The following OSBP2 variants were observed in gnomAD, a reference collection of about 807,000 sequenced individuals.
OSBP2 encodes oxysterol binding protein 2, also known as oxysterol-binding protein 2.
OSBP2 carries 66 observed loss-of-function variants against 96.0 expected under a neutral mutation model. That is an observed-to-expected ratio of 0.69 (90% CI 0.56 to 0.84). The LOEUF (loss-of-function observed/expected upper bound fraction) is 0.84. Ranked by LOEUF, OSBP2 falls within the 40% of genes least tolerant of loss-of-function variation. The pLI is 0.00. For missense variants in OSBP2, 1,038 were observed against 1,222.7 expected, an observed-to-expected ratio of 0.85 and a Z score of 2.25; for synonymous variants, 525 against 520.9, an observed-to-expected ratio of 1.01 and a Z score of -0.11.
chr22:30,905,805 A>AGCCGCAGCCACC (rs1569178245), intron 12 of OSBP2, 32 bp from the exon 13 acceptor site: 2 of 1,608,214 alleles, frequency 1.2e-6, no homozygotes, highest in Non-Finnish European at 1.7e-6. Flanking sequence ...CTCACACCGC[A>AGCCGCAGCCACC]GCCACCGCCA....
chr22:30,873,291 C>G (rs2072015614), intron 3 of OSBP2, among the ~76,000 whole-genome samples: 1 of 152,112 alleles, frequency 6.6e-6, no homozygotes, highest in South Asian at 2.1e-4. Flanking sequence ...TGCAGAGGCC[C>G]CCTCCTGCTG....
Position 30,896,420 on chromosome 22 carries a change from A to T in OSBP2, c.2375+2419A>T, listed in dbSNP as rs183689066. 9.3e-4 allele frequency among the ~76,000 whole-genome samples: 142 copies of T among 152,354 alleles called. 2 individuals are homozygous for T. The highest frequency in any genetic ancestry group is 1.6e-4 in the Non-Finnish European group (11 of 68,036). ...GTTTAGATAATCTTAGCATGATGGA[A>T]TTTGAGGAGAAGGGGAAGGATCTGA... is the stretch of plus-strand genomic sequence containing the variant. On this transcript the variant is annotated intron_variant, in intron 12 of 13. Transcript: ENST00000332585.
Position 30,905,934 on chromosome 22 carries a change from G to A in OSBP2, c.2473G>A (p.Asp825Asn). 5 of 1,612,654 alleles carry A rather than the reference G, an allele frequency of 3.1e-6. No homozygotes were observed. Among genetic ancestry groups the A allele is most frequent in the Non-Finnish European group, 4.2e-6 (5 of 1,179,556 alleles). ...VAPTDSRLRP[D>N]QRLMEKGRWD... ...GCCAACCGACAGCCGCCTGCGGCCC[G>A]ACCAGCGGCTGATGGAGAAGGGCCG... The change falls in exon 13 of 14, where the codon GAC becomes AAC. Residue 825 changes from aspartate (D) to asparagine (N), a missense_variant. Physicochemically the swap from Asp to Asn is conservative, Grantham distance 23. Transcript: ENST00000332585.
intron 9 of OSBP2, 38 bp from the exon 10 acceptor site, chr22:30,893,425 T>TGG: frequency 6.4e-7 from 1 of 1,568,910 alleles, no homozygotes. Context: ...GAGCCCTGCA[T>TGG]GGGGGGGCAT....
rs1170782156 is a variant in OSBP2, at chr22:30,887,607, G to C, written c.1289G>C (p.Ser430Thr). The change falls in exon 4 of 14, where the codon AGC (serine) becomes ACC (threonine). Residue 430 changes from serine to threonine, a missense_variant. Transcript: ENST00000332585. Reference protein sequence around the residue: ...APGRPANPSKSFIEGSLLTPK... With the variant: ...APGRPANPSKTFIEGSLLTPK... ...GGCCGGCCGGCCAACCCCTCCAAGA[G>C]CTTCATTGAGGGTGAGTGGGCAGCC... is the stretch of plus-strand genomic sequence containing the variant. 6.3e-7 allele frequency: 1 copy of C among 1,599,698 alleles called. No homozygotes were observed. Among genetic ancestry groups the C allele is most frequent in the East Asian group, 2.3e-5 (1 of 44,146 alleles).
chr22:30,822,654 C>G lies in OSBP2; in HGVS notation c.854-47775C>G. The G allele has an allele frequency of 3.3e-6, 5 of 1,534,066 alleles. No individual in the cohort carries two copies. The South Asian group carries it at 4.8e-5, about 15-fold the overall frequency. On this transcript the variant is annotated intron_variant, in intron 2 of 13. Transcript: ENST00000332585. ...AAATGAAGGGACGCGGCTGCTGGGA[C>G]ACGGCCTCCGTGCGCTCCTTCTGCA...
chr22:30,735,177 G>A (rs989395587), intron 1 of OSBP2, among the ~76,000 whole-genome samples: 2 of 152,280 alleles, frequency 1.3e-5, no homozygotes, highest in South Asian at 4.1e-4. Context: ...GGGCAACAGA[G>A]TGAGACTCTA....
At chr22:30,833,468 T>C (rs971930800) in intron 2 of OSBP2, among the ~76,000 whole-genome samples, 6 of 152,194 alleles carry the variant, frequency 3.9e-5, no homozygotes, top group Non-Finnish European at 5.9e-5. Context: ...CACCTACATG[T>C]GTAATTGAGC....
intron 1 of OSBP2, among the ~76,000 whole-genome samples, chr22:30,705,293 GTT>G (rs1480845962): frequency 5.7e-4 from 87 of 151,896 alleles, no homozygotes; most frequent in African/African-American, 2.0e-3. Flanking sequence ...TGTTGTTGTT[GTT>G]GTTGTTGTTG....
At chr22:30,770,739 CTCTGTGT>C (rs2090336950) in intron 2 of OSBP2, 1 of 152,788 alleles carries the variant, frequency 6.5e-6, no homozygotes, top group Non-Finnish European at 1.5e-5. Context: ...CCGGTGTCCC[CTCTGTGT>C]CCTTTCCCTC....
At chr22:30,866,386 C>G (rs527706061) in intron 2 of OSBP2, among the ~76,000 whole-genome samples, 4 of 152,310 alleles carry the variant, frequency 2.6e-5, no homozygotes, top group Admixed American at 2.0e-4. Flanking sequence ...CCAGAGTGAA[C>G]GCAGCCCTGC....
intron 12 of OSBP2, 72 bp from the exon 13 acceptor site, chr22:30,905,764 AG>A: frequency 5.7e-6 from 9 of 1,581,800 alleles, no homozygotes; most frequent in South Asian, 1.1e-5. Flanking sequence ...ACCGCCAGGC[AG>A]GGGAGGGCGG....
rs755031077 is a variant in OSBP2 at position 30,695,088 on chromosome 22, C to G, written c.179C>G (p.Pro60Arg). The change falls in exon 1 of 14, where the codon CCG becomes CGG. Residue 60 changes from proline to arginine, a missense_variant. By Grantham distance (103) the Pro-to-Arg change is moderately radical (BLOSUM62 -2). Around this residue, in one of 3 missense-constraint regions of OSBP2, gnomAD observed 281 missense variants for 273.4 expected, o/e 1.03. Coordinates refer to ENST00000332585, the MANE Select transcript of OSBP2 (RefSeq NM_030758.4). ...PKPQPQPVPE[P>R]ERGPLSEQVS... ...CCCCAGCCCCAGCCCGTGCCCGAAC[C>G]GGAGCGGGGACCGCTGTCAGAACAG... 2.5e-6 allele frequency: 4 copies of G among 1,579,270 alleles called. No individual in the cohort carries two copies. Among genetic ancestry groups the G allele is most frequent in the East Asian group, 2.2e-5 (1 of 44,466 alleles).
At chr22:30,753,713 C>T (rs1261004935) in intron 2 of OSBP2, among the ~76,000 whole-genome samples, 7 of 152,308 alleles carry the variant, frequency 4.6e-5, no homozygotes, top group South Asian at 2.1e-4. Context: ...GGTTTGAACA[C>T]GGGTTATTTG....
intron 2 of OSBP2, among the ~76,000 whole-genome samples, chr22:30,818,719 G>A (rs1373917075): frequency 6.6e-6 from 1 of 152,200 alleles, no homozygotes; most frequent in African/African-American, 2.4e-5. Context: ...AGGAAACTGA[G>A]TCTGATTAGT....
At chr22:30,693,846 T>C (rs1236912143), upstream of OSBP2, 1 of 512,382 alleles carries the variant, frequency 2.0e-6, no homozygotes, top group Admixed American at 3.3e-5. Flanking sequence ...GGCCGTGGAA[T>C]TCCAGCTACT....
At chr22:30,789,809 A>G (rs1360208099) in intron 2 of OSBP2, among the ~76,000 whole-genome samples, 4 of 152,172 alleles carry the variant, frequency 2.6e-5, no homozygotes, top group African/African-American at 7.2e-5. Context: ...AATGCTCTCT[A>G]AGAAGGAGGG....
intron 1 of OSBP2, among the ~76,000 whole-genome samples, chr22:30,725,836 C>T (rs370206689): frequency 7.3e-5 from 11 of 150,874 alleles, no homozygotes; most frequent in African/African-American, 2.7e-4. Flanking sequence ...GTCACCCAGG[C>T]TGAGTGCAGT....
chr22:30,825,864 C>G (rs574408238), intron 2 of OSBP2, among the ~76,000 whole-genome samples: 1 of 152,126 alleles, frequency 6.6e-6, no homozygotes, highest in Non-Finnish European at 1.5e-5. Context: ...CTCTGATTTT[C>G]CCGGTGGAGA....
Sources: allele counts gnomAD v4.1 joint callset (sites outside exome capture counted in the v4.1 genomes callset), GRCh38; gene constraint gnomAD v4.1.1; regional missense constraint gnomAD v4.1.1; transcripts MANE v1.5; gene names NCBI Gene and HGNC (gene_info 2026-07-23, HGNC 2026-07-21).